The following RSPO1 variants were observed in gnomAD, a reference collection of about 807,000 sequenced individuals.
RSPO1 encodes the protein R-spondin 1.
Under a neutral mutation model 26.0 loss-of-function variants are expected in RSPO1, and 18 were observed. The ratio of observed to expected loss-of-function variants is 0.69; its 90% CI spans 0.48 to 1.03. The LOEUF (loss-of-function observed/expected upper bound fraction) is 1.03, where lower values mean the gene tolerates loss of function less well. RSPO1 is among the 50% of genes least tolerant of loss of function. The pLI, the probability that RSPO1 is intolerant of heterozygous loss-of-function variation, is 0.00. For synonymous variants in RSPO1, 133 were observed against 137.4 expected (o/e 0.97, Z 0.22); for missense variants, 309 against 352.3 (o/e 0.88, Z 0.98).
At chr1:37,619,549 C>T (rs747742006) in intron 3 of RSPO1, among the ~76,000 whole-genome samples, 45 of 152,128 alleles carry the variant, frequency 3.0e-4, no homozygotes, top group Non-Finnish European at 4.3e-4. Context: ...GGAGAGCAAC[C>T]GAAGGAAGGA....
intron 3 of RSPO1, among the ~76,000 whole-genome samples, chr1:37,617,700 T>C (rs1644138462): frequency 7.6e-6 from 1 of 131,620 alleles, no homozygotes; most frequent in Admixed American, 7.7e-5. Flanking sequence ...GAGAGAACCA[T>C]CTTTTGAGGC....
chr1:37,614,311 C>T lies in RSPO1; in HGVS notation c.309G>A (p.Glu103=), dbSNP rs1644076722. 1 of 1,613,684 alleles carries T rather than the reference C, an allele frequency of 6.2e-7. No individual in the cohort carries two copies. The highest frequency in any genetic ancestry group is 1.3e-5 in the African/African-American group (1 of 74,910). ...TGCAGAAGTTATGGCTGAAGCAGGCCTCACAGTGCTCGATCTTGCATTCTG... is the reference window on the plus strand; with the variant it reads ...TGCAGAAGTTATGGCTGAAGCAGGCTTCACAGTGCTCGATCTTGCATTCTG... The part of the protein sequence containing the change: ...KCIKCKIEHC[E]ACFSHNFCTK... Residue 103 remains glutamate (E), a synonymous_variant, in exon 5 of 7, where the codon GAG becomes GAA. Transcript: ENST00000356545.
chr1:37,617,688 A>AAAAAAAAAAAAAAG (rs1553120745), intron 3 of RSPO1, among the ~76,000 whole-genome samples: 4 of 136,536 alleles, frequency 2.9e-5, no homozygotes, highest in African/African-American at 1.1e-4. Context: ...AAAAAAAAAA[A>AAAAAAAAAAAAAAG]AGAGAGAACC....
chr1:37,614,222 G>A lies in RSPO1; in HGVS notation c.398C>T (p.Ser133Phe), dbSNP rs193187558. The A allele has an allele frequency of 6.8e-6, 11 of 1,613,388 alleles. No homozygotes were observed. The African/African-American group carries it at 1.2e-4, about 18-fold the overall frequency. The part of the protein sequence containing the change: ...GRCYPACPEG[S>F]SAANGTMECS... ...CTCCATGGTGCCATTGGCAGCTGAG[G>A]AGCCCTCGGGACAAGCTGGATAGCA... Residue 133 changes from serine (S) to phenylalanine (F), a missense_variant, in exon 5 of 7, where the codon TCC (serine) becomes TTC (phenylalanine). Ser to Phe is a radical substitution (Grantham distance 155, BLOSUM62 -2). Transcript: ENST00000356545.
rs892126156 is a variant in RSPO1, at chr1:37,621,956, C to G, written c.95-5281G>C. ...AGCTACAACTACGGTCACATGCCAC[C>G]GTGCTTGGCTAAGAAGAGGTGGAGT... is the stretch of plus-strand genomic sequence containing the variant. On this transcript the variant is annotated intron_variant, in intron 3 of 6. Transcript: ENST00000356545. Among the ~76,000 whole-genome samples, 4 of 152,048 alleles carry G rather than the reference C, an allele frequency of 2.6e-5. No individual in the cohort carries two copies. In the East Asian group the frequency reaches 5.8e-4, roughly 22 times the overall value.
At chr1:37,615,235 C>T (rs1175516437) in intron 4 of RSPO1, among the ~76,000 whole-genome samples, 4 of 152,148 alleles carry the variant, frequency 2.6e-5, no homozygotes, top group Non-Finnish European at 4.4e-5. Flanking sequence ...CTTATCTCAG[C>T]CTCACCTCTC....
chr1:37,630,809 G>T (rs934829578), intron 2 of RSPO1, among the ~76,000 whole-genome samples: 5 of 152,092 alleles, frequency 3.3e-5, no homozygotes, highest in African/African-American at 9.7e-5. Flanking sequence ...CCACAGCAGC[G>T]GCCTGCCCAC....
intron 3 of RSPO1, among the ~76,000 whole-genome samples, chr1:37,627,845 C>G (rs1489882372): frequency 6.6e-6 from 1 of 152,184 alleles, no homozygotes; most frequent in Non-Finnish European, 1.5e-5. Flanking sequence ...GAGCCTGTCT[C>G]CACACCTCTC....
chr1:37,623,427 A>G (rs1191290330), intron 3 of RSPO1, among the ~76,000 whole-genome samples: 2 of 152,132 alleles, frequency 1.3e-5, no homozygotes, highest in African/African-American at 2.4e-5. Context: ...TATAGCCACA[A>G]AAGCCCACCC....
intron 3 of RSPO1, among the ~76,000 whole-genome samples, chr1:37,626,998 C>T (rs1644286668): frequency 6.6e-6 from 1 of 152,146 alleles, no homozygotes; most frequent in South Asian, 2.1e-4. Flanking sequence ...CCACTCACAG[C>T]TAAAGAGAAG....
intron 1 of RSPO1, among the ~76,000 whole-genome samples, chr1:37,632,593 C>T (rs1343614367): frequency 2.0e-5 from 3 of 152,294 alleles, no homozygotes; most frequent in South Asian, 2.1e-4. Context: ...GAGCATATGC[C>T]GTTCAGCTCT....
intron 3 of RSPO1, among the ~76,000 whole-genome samples, chr1:37,617,688 A>AAAAAAAG (rs1553120745): frequency 2.2e-5 from 3 of 136,536 alleles, no homozygotes; most frequent in Admixed American, 7.7e-5. Flanking sequence ...AAAAAAAAAA[A>AAAAAAAG]AGAGAGAACC....
Position 37,614,332 on chromosome 1 carries a change from T to C in RSPO1, c.288A>G (p.Lys96=). The change falls in exon 5 of 7, where the codon AAA becomes AAG. Residue 96 remains lysine (K), a splice_region_variant and synonymous_variant. Transcript: ENST00000356545. ...ARNPDMNKCI[K]CKIEHCEACF... ...AGGCCTCACAGTGCTCGATCTTGCATTCTGAGGAGAGGACAGATTGGGGGC... is the reference window on the plus strand; with the variant it reads ...AGGCCTCACAGTGCTCGATCTTGCACTCTGAGGAGAGGACAGATTGGGGGC... 6.2e-7 allele frequency: 1 copy of C among 1,613,610 alleles called. No individual in the cohort carries two copies. The highest frequency in any genetic ancestry group is 8.5e-7 in the Non-Finnish European group (1 of 1,180,030).
chr1:37,630,349 C>T (rs890541138), intron 2 of RSPO1, among the ~76,000 whole-genome samples: 4 of 152,158 alleles, frequency 2.6e-5, no homozygotes, highest in African/African-American at 4.8e-5. Context: ...TCTGTCCTTG[C>T]ATGAGTGACC....
chr1:37,614,413 C>T (rs1644079700), intron 4 of RSPO1, 80 bp from the exon 5 acceptor site: 2 of 1,508,654 alleles, frequency 1.3e-6, no homozygotes, highest in Admixed American at 1.7e-5. Flanking sequence ...AATACCCTCC[C>T]TTCTGTCCAC....
intron 3 of RSPO1, among the ~76,000 whole-genome samples, chr1:37,623,900 C>T (rs1644240000): frequency 6.6e-6 from 1 of 151,434 alleles, no homozygotes; most frequent in Non-Finnish European, 1.5e-5. Flanking sequence ...GCTGGGATTA[C>T]AGGCATGCAC....
At chr1:37,615,600 G>T (rs547169393) in intron 4 of RSPO1, among the ~76,000 whole-genome samples, 1 of 152,354 alleles carries the variant, frequency 6.6e-6, no homozygotes, top group South Asian at 2.1e-4. Context: ...CAGTGTTGTT[G>T]TGAGGCTCAA....
At chr1:37,628,901 T>G (rs1464332790) in intron 3 of RSPO1, among the ~76,000 whole-genome samples, 1 of 152,212 alleles carries the variant, frequency 6.6e-6, no homozygotes, top group Non-Finnish European at 1.5e-5. Flanking sequence ...TTCCAACGAC[T>G]TCTTATGTGG....
chr1:37,628,116 G>A (rs781624488), intron 3 of RSPO1, among the ~76,000 whole-genome samples: 1 of 152,326 alleles, frequency 6.6e-6, no homozygotes, highest in Non-Finnish European at 1.5e-5. Flanking sequence ...CTCTGCATGG[G>A]TGAGGGTCAG....
Sources: allele counts gnomAD v4.1 joint callset (sites outside exome capture counted in the v4.1 genomes callset), GRCh38; gene constraint gnomAD v4.1.1; transcripts MANE v1.5; gene names NCBI Gene and HGNC (gene_info 2026-07-23, HGNC 2026-07-21).